Variants in BPIFB3 observed in about 807,000 individuals in gnomAD.
BPIFB3 encodes the protein BPI fold containing family B member 3.
In BPIFB3, 49 loss-of-function variants were observed where a neutral mutation model predicts 53.1. The ratio of observed to expected loss-of-function variants is 0.92; its 90% CI spans 0.73 to 1.17. BPIFB3 has a LOEUF of 1.17. Ranked by LOEUF, BPIFB3 falls within the 50% of genes most tolerant of loss-of-function variation. BPIFB3 has a pLI of 0.00. For missense variants in BPIFB3, 628 were observed against 592.5 expected (o/e 1.06, Z -0.62); for synonymous variants, 271 against 269.6 (o/e 1.01, Z -0.05).
In BPIFB3 at chr20:33,072,747, A is replaced by T. The variant is rs534430551; in HGVS notation, c.1355A>T (p.Lys452Met). Reference sequence around the variant, plus strand: ...CTGGATGTTGGAATTCCCCTGCCTAAGGTTCTTAATATCAATTTTTCCAAT... The same window carrying T: ...CTGGATGTTGGAATTCCCCTGCCTATGGTTCTTAATATCAATTTTTCCAAT... The change falls in exon 14 of 15, where the codon AAG becomes ATG. Residue 452 changes from lysine to methionine, a missense_variant. Coordinates refer to ENST00000375494, the Ensembl canonical transcript of BPIFB3. The T allele has an allele frequency of 1.1e-5, 18 of 1,613,648 alleles. No individual in the cohort carries two copies. Among genetic ancestry groups the T allele is most frequent in the African/African-American group, 2.7e-5 (2 of 74,872 alleles).
chr20:33,066,454 G>A (rs189186628), intron 8 of BPIFB3, among the ~76,000 whole-genome samples: 21 of 152,336 alleles, frequency 1.4e-4, no homozygotes, highest in African/African-American at 4.8e-4. Flanking sequence ...GTGAGCCTTG[G>A]CAGAGTAAAA....
chr20:33,072,814 C>G (rs371402407), intron 14 of BPIFB3, 21 bp downstream of exon 15: 1 of 1,584,630 alleles, frequency 6.3e-7, no homozygotes, highest in South Asian at 1.1e-5. Flanking sequence ...TCTGCAGATA[C>G]GGCCCAGGTG....
At chr20:33,059,099 GTGA>G (rs1980333012) in intron 2 of BPIFB3, among the ~76,000 whole-genome samples, 1 of 152,144 alleles carries the variant, frequency 6.6e-6, no homozygotes. Context: ...GCCTCTAGCG[GTGA>G]TGATGATAGG....
intron 11 of BPIFB3, among the ~76,000 whole-genome samples, chr20:33,070,324 T>C (rs1980833396): frequency 6.6e-6 from 1 of 152,356 alleles, no homozygotes. Context: ...GTTATTTATG[T>C]GGACTTGTTA....
At chr20:33,072,739 C>G (rs375331770) in exon 14 of BPIFB3, 131 of 1,613,544 alleles carry the variant, frequency 8.1e-5, no homozygotes, top group Non-Finnish European at 1.1e-4. Context: ...TTGGAATTCC[C>G]CTGCCTAAGG....
intron 5 of BPIFB3, among the ~76,000 whole-genome samples, chr20:33,062,999 C>T (rs1453244249): frequency 6.6e-6 from 1 of 152,224 alleles, no homozygotes; most frequent in Non-Finnish European, 1.5e-5. Flanking sequence ...GATGAAGGGG[C>T]TGGACTGCAT....
In BPIFB3 at chr20:33,056,618, CTT is replaced by C; in HGVS notation, c.202_203del (p.Leu68GlyfsTer30). On this transcript the variant is annotated frameshift_variant, in exon 2 of 15. Coordinates refer to ENST00000375494, the Ensembl canonical transcript of BPIFB3. LOFTEE classifies it high-confidence loss of function. ...CGGTCACAGCTGTGAACCGGGGCCT[CTT>C]GGGCTCAGGAGGGCTGCTTGGAGGA... The C allele has an allele frequency of 6.2e-7, 1 of 1,613,908 alleles. No homozygotes were observed. Among genetic ancestry groups the C allele is most frequent in the African/African-American group, 1.3e-5 (1 of 75,030 alleles).
At chr20:33,064,400 T>C in intron 6 of BPIFB3, 57 bp from the exon 8 acceptor site, 3 of 1,370,892 alleles carry the variant, frequency 2.2e-6, no homozygotes, top group Non-Finnish European at 3.1e-6. Flanking sequence ...AAATAGGGGC[T>C]ATTATGATTG....
chr20:33,054,376 CACAA>C (rs1980108787), upstream of BPIFB3, among the ~76,000 whole-genome samples: 1 of 152,264 alleles, frequency 6.6e-6, no homozygotes. Context: ...GAAATAAGGA[CACAA>C]ACAGATGCAT....
At chr20:33,062,127 C>T (rs2146384553) in intron 5 of BPIFB3, among the ~76,000 whole-genome samples, 1 of 152,284 alleles carries the variant, frequency 6.6e-6, no homozygotes, top group South Asian at 2.1e-4. Flanking sequence ...TTATGTTTTT[C>T]TTTAAATTAG....
intron 8 of BPIFB3, among the ~76,000 whole-genome samples, chr20:33,066,620 G>A (rs776497813): frequency 2.0e-4 from 31 of 152,236 alleles, no homozygotes; most frequent in African/African-American, 7.2e-4. Context: ...GAGCAAAGGC[G>A]TGCAGAGCCC....
rs772431125 is a variant in BPIFB3, at chr20:33,071,248, A to G, written c.1218-5A>G. 394 of 1,562,220 alleles carry G rather than the reference A, an allele frequency of 2.5e-4. No individual in the cohort carries two copies. The highest frequency in any genetic ancestry group is 3.2e-4 in the Non-Finnish European group (364 of 1,152,096). On this transcript the variant is annotated splice_region_variant and splice_polypyrimidine_tract_variant and intron_variant, in intron 11 of 14. Transcript: ENST00000375494. The stretch of plus-strand genomic sequence containing the variant: ...GGGCCCCAGCATCTCTCTTCTCTCC[A>G]CCAGGCTCAGTGTCAAGGTGGCCTC...
At chr20:33,055,115 T>G (rs374209446), upstream of BPIFB3, among the ~76,000 whole-genome samples, 1 of 152,240 alleles carries the variant, frequency 6.6e-6, no homozygotes, top group South Asian at 2.1e-4. Flanking sequence ...TGACTGTCTC[T>G]GATTAGTTCT....
In BPIFB3 at chr20:33,064,445, T is replaced by C; in HGVS notation, c.653-12T>C. On this transcript the variant is annotated splice_polypyrimidine_tract_variant and intron_variant, in intron 6 of 14. Coordinates refer to ENST00000375494, the Ensembl canonical transcript of BPIFB3. ...CTTATAGGGTCGTTCTCGCCCCCAC[T>C]TTCCCACGCAGGCCTGGTGTCCCTT... 20 of 1,610,824 alleles carry C rather than the reference T, an allele frequency of 1.2e-5. No individual in the cohort carries two copies. The highest frequency in any genetic ancestry group is 1.7e-5 in the Non-Finnish European group (20 of 1,177,418).
intron 12 of BPIFB3, 83 bp downstream of exon 13, chr20:33,071,378 G>GCC: frequency 6.9e-7 from 1 of 1,454,038 alleles, no homozygotes. Context: ...ATGAGTCATG[G>GCC]GCCATATGAC....
chr20:33,057,023 G>A (rs930747814), intron 2 of BPIFB3, among the ~76,000 whole-genome samples: 2 of 152,146 alleles, frequency 1.3e-5, no homozygotes, highest in Admixed American at 6.5e-5. Flanking sequence ...CAAAAGAGGT[G>A]TGGGCTGATT....
Position 33,056,711 on chromosome 20 carries a change from T to A in BPIFB3, c.281+13T>A. Reference sequence around the variant, plus strand: ...AGGAGCTCTCTGGGTGAGTCCCACCTGCTGCATGCCCTACAGGAAGACTTG... The same window carrying A: ...AGGAGCTCTCTGGGTGAGTCCCACCAGCTGCATGCCCTACAGGAAGACTTG... On this transcript the variant is annotated intron_variant, in intron 2 of 14. Coordinates refer to ENST00000375494, the Ensembl canonical transcript of BPIFB3. The A allele has an allele frequency of 6.4e-7, 1 of 1,564,192 alleles. No homozygotes were observed. Among genetic ancestry groups the A allele is most frequent in the Non-Finnish European group, 8.6e-7 (1 of 1,157,836 alleles).
Position 33,061,759 on chromosome 20 carries a change from T to A in BPIFB3, c.528-9T>A, listed in dbSNP as rs767020020. On this transcript the variant is annotated splice_polypyrimidine_tract_variant and intron_variant, in intron 4 of 14. Coordinates refer to ENST00000375494, the Ensembl canonical transcript of BPIFB3. ...GCAGCCGCACCCACATGTGTCTCCCTCTGCTCAGGCTGCTGCCCACACCAC... is the reference window on the plus strand; with the variant it reads ...GCAGCCGCACCCACATGTGTCTCCCACTGCTCAGGCTGCTGCCCACACCAC... The A allele has an allele frequency of 1.1e-5, 18 of 1,614,056 alleles. No individual in the cohort carries two copies. In the East Asian group the frequency reaches 4.0e-4, roughly 36 times the overall value.
At chr20:33,056,503 G>A (rs1185505385) in intron 1 of BPIFB3, 39 bp from the exon 3 acceptor site, 2 of 1,611,170 alleles carry the variant, frequency 1.2e-6, no homozygotes, top group Non-Finnish European at 1.7e-6. Flanking sequence ...GGGTGAGGTT[G>A]GAGTTTCTAG....
Sources: allele counts gnomAD v4.1 joint callset (sites outside exome capture counted in the v4.1 genomes callset), GRCh38; gene constraint gnomAD v4.1.1; transcripts MANE v1.5; gene names NCBI Gene and HGNC (gene_info 2026-07-23, HGNC 2026-07-21).